Variants in CHRM3 observed in about 807,000 individuals in gnomAD.
CHRM3 encodes muscarinic acetylcholine receptor M3.
In CHRM3, 11 loss-of-function variants were observed where a neutral mutation model predicts 41.8. The observed-to-expected ratio is 0.26, with a 90% CI of 0.17 to 0.44. The LOEUF (loss-of-function observed/expected upper bound fraction) is 0.44. Among genes scored for constraint, CHRM3 ranks in the 20% least tolerant of loss-of-function variants. The pLI, the probability that CHRM3 is intolerant of heterozygous loss-of-function variation, is 1.00. For synonymous variants in CHRM3, 297 were observed against 301.4 expected, an observed-to-expected ratio of 0.99 and a Z score of 0.15; for missense variants, 571 against 745.4, an observed-to-expected ratio of 0.77 and a Z score of 2.72.
At chr1:239,449,838 G>T (rs1664436534) in intron 1 of CHRM3, among the ~76,000 whole-genome samples, 1 of 151,904 alleles carries the variant, frequency 6.6e-6, no homozygotes, top group Non-Finnish European at 1.5e-5. Context: ...AGAGACATAG[G>T]TTTGGAAGAA....
chr1:239,563,575 A>G (rs1393099042), intron 3 of CHRM3, among the ~76,000 whole-genome samples: 2 of 152,204 alleles, frequency 1.3e-5, no homozygotes, highest in Non-Finnish European at 2.9e-5. Flanking sequence ...GGTTCACAGA[A>G]TCTAGATTTT....
intron 1 of CHRM3, among the ~76,000 whole-genome samples, chr1:239,429,456 T>C (rs903555792): frequency 6.6e-6 from 1 of 152,216 alleles, no homozygotes; most frequent in Non-Finnish European, 1.5e-5. Context: ...TGATTTACTA[T>C]AATTCTGTAC....
chr1:239,566,193 G>T (rs1661349093), intron 3 of CHRM3, among the ~76,000 whole-genome samples: 1 of 152,204 alleles, frequency 6.6e-6, no homozygotes, highest in South Asian at 2.1e-4. Flanking sequence ...GATTACAGGC[G>T]TGAGCCATCA....
rs2148979718 is a variant in CHRM3 at position 239,653,857 on chromosome 1, G to A, written c.-250+21571G>A. 2.0e-5 allele frequency among the ~76,000 whole-genome samples: 3 copies of A among 152,256 alleles called. No homozygotes were observed. The South Asian group carries it at 6.2e-4, about 32-fold the overall frequency. ...GGAGAGAGTTGCAATCTTTTTGGAGGAAATAGCAAGAGAGGAGAAAAACAA... is the reference window on the plus strand; with the variant it reads ...GGAGAGAGTTGCAATCTTTTTGGAGAAAATAGCAAGAGAGGAGAAAAACAA... On this transcript the variant is annotated intron_variant, in intron 4 of 6. Transcript: ENST00000676153.
intron 2 of CHRM3, among the ~76,000 whole-genome samples, chr1:239,523,949 G>A (rs750753649): frequency 5.3e-5 from 8 of 152,102 alleles, no homozygotes; most frequent in Non-Finnish European, 1.2e-4. Flanking sequence ...ATCACACACA[G>A]CACATTAAAT....
At chr1:239,552,324 A>G (rs894632783) in intron 3 of CHRM3, among the ~76,000 whole-genome samples, 7 of 147,950 alleles carry the variant, frequency 4.7e-5, no homozygotes, top group Admixed American at 2.7e-4. Context: ...TGTATCATAT[A>G]TATAGATGAT....
chr1:239,584,222 G>C (rs1663186965), intron 3 of CHRM3, among the ~76,000 whole-genome samples: 1 of 150,376 alleles, frequency 6.6e-6, no homozygotes, highest in South Asian at 2.1e-4. Flanking sequence ...TCCTGACTCA[G>C]CCTCCCGAGT....
At chr1:239,499,220 C>G (rs567556192) in intron 2 of CHRM3, among the ~76,000 whole-genome samples, 1 of 152,148 alleles carries the variant, frequency 6.6e-6, no homozygotes, top group South Asian at 2.1e-4. Flanking sequence ...GGAGATCATT[C>G]GGTGCTATTT....
intron 1 of CHRM3, among the ~76,000 whole-genome samples, chr1:239,470,611 C>G (rs1018755954): frequency 5.9e-5 from 9 of 152,178 alleles, no homozygotes; most frequent in African/African-American, 1.7e-4. Context: ...ACAATTTCCC[C>G]TGCCTTCTTC....
At position 239,433,858 on chromosome 1, in the gene CHRM3, G is replaced by A. The variant is rs150487664; in HGVS notation, c.-521+46631G>A. On this transcript the variant is annotated intron_variant, in intron 1 of 6. Transcript: ENST00000676153. ...TATACCACAATTTCTTTATCCACTCGTTGATCCATGGGCATTTGGGCTGGT... is the reference window on the plus strand; with the variant it reads ...TATACCACAATTTCTTTATCCACTCATTGATCCATGGGCATTTGGGCTGGT... Among the ~76,000 whole-genome samples the A allele has an allele frequency of 5.6e-3, 852 of 152,098 alleles. 12 individuals carry two copies. Among genetic ancestry groups the A allele is most frequent in the African/African-American group, 0.019 (804 of 41,486 alleles).
chr1:239,636,507 A>G (rs1228884136), intron 4 of CHRM3, among the ~76,000 whole-genome samples: 1 of 152,192 alleles, frequency 6.6e-6, no homozygotes, highest in African/African-American at 2.4e-5. Context: ...TCTGTCAATT[A>G]AATGATATAG....
At chr1:239,509,886 G>A (rs559391188) in intron 2 of CHRM3, among the ~76,000 whole-genome samples, 35 of 152,182 alleles carry the variant, frequency 2.3e-4, no homozygotes, top group East Asian at 1.4e-3. Flanking sequence ...TCAGGAGTTC[G>A]AGACCAGCCT....
chr1:239,615,333 G>A (rs994779494), intron 3 of CHRM3, among the ~76,000 whole-genome samples: 2 of 152,208 alleles, frequency 1.3e-5, no homozygotes, highest in East Asian at 3.9e-4. Context: ...AGAAGACACA[G>A]GTACTTCCAT....
At chr1:239,773,583 G>A (rs571155399) in intron 5 of CHRM3, among the ~76,000 whole-genome samples, 9 of 152,232 alleles carry the variant, frequency 5.9e-5, no homozygotes, top group African/African-American at 1.9e-4. Context: ...CACATTCCAG[G>A]CAGGAATGAA....
intron 2 of CHRM3, among the ~76,000 whole-genome samples, chr1:239,502,138 C>G (rs1047217082): frequency 4.0e-5 from 6 of 151,880 alleles, no homozygotes; most frequent in Non-Finnish European, 8.8e-5. Context: ...ATACGTGAAA[C>G]AAAATGCTGA....
intron 1 of CHRM3, among the ~76,000 whole-genome samples, chr1:239,459,110 G>A (rs1011410359): frequency 6.6e-6 from 1 of 152,082 alleles, no homozygotes; most frequent in African/African-American, 2.4e-5. Flanking sequence ...AGGAAGAGGT[G>A]GACAGGGGAT....
intron 5 of CHRM3, among the ~76,000 whole-genome samples, chr1:239,755,206 C>T (rs1360123778): frequency 6.6e-6 from 1 of 152,116 alleles, no homozygotes; most frequent in African/African-American, 2.4e-5. Context: ...GGATTCTGTC[C>T]AAAACCATCA....
At chr1:239,851,697 G>A (rs571732729) in intron 6 of CHRM3, among the ~76,000 whole-genome samples, 1 of 152,316 alleles carries the variant, frequency 6.6e-6, no homozygotes, top group Admixed American at 6.5e-5. Flanking sequence ...AGCATGTGCT[G>A]TTCTCAGCAG....
At chr1:239,452,184 A>G (rs1558234458) in intron 1 of CHRM3, among the ~76,000 whole-genome samples, 1 of 152,212 alleles carries the variant, frequency 6.6e-6, no homozygotes, top group Non-Finnish European at 1.5e-5. Flanking sequence ...GTGAATACTT[A>G]CTGACTGAAT....
Sources: gnomAD v4.1 joint callset for allele counts (sites outside exome capture counted in the v4.1 genomes callset) on GRCh38, gnomAD v4.1.1 for gene constraint, MANE v1.5 for transcripts, NCBI Gene and HGNC (gene_info 2026-07-23, HGNC 2026-07-21) for gene names.